Variants in CCSER1 observed in about 807,000 individuals in gnomAD.
CCSER1 encodes the protein coiled-coil serine rich protein 1.
A neutral mutation model predicts 82.0 loss-of-function variants in CCSER1; 41 were observed. The observed-to-expected ratio is 0.50, with a 90% CI of 0.39 to 0.65. The LOEUF (loss-of-function observed/expected upper bound fraction) is 0.65. Ranked by LOEUF, CCSER1 falls within the 30% of genes least tolerant of loss-of-function variation. CCSER1 has a pLI of 0.00. For missense variants in CCSER1, 1,119 were observed against 1,064.2 expected, an observed-to-expected ratio of 1.05 and a Z score of -0.72; for synonymous variants, 414 against 383.9, an observed-to-expected ratio of 1.08 and a Z score of -0.92.
chr4:90,558,550 C>A (rs1046168571), intron 5 of CCSER1, among the ~76,000 whole-genome samples: 1 of 151,944 alleles, frequency 6.6e-6, no homozygotes, highest in Non-Finnish European at 1.5e-5. Flanking sequence ...AGACTTCTGT[C>A]ATCTTTCCCT....
At chr4:90,640,902 G>A (rs937643297) in intron 6 of CCSER1, among the ~76,000 whole-genome samples, 4 of 151,862 alleles carry the variant, frequency 2.6e-5, no homozygotes, top group African/African-American at 7.3e-5. Flanking sequence ...CCCAGTCCTG[G>A]GCAGTTCTTT....
At chr4:91,444,974 G>C (rs1755455204) in intron 10 of CCSER1, among the ~76,000 whole-genome samples, 1 of 152,154 alleles carries the variant, frequency 6.6e-6, no homozygotes, top group African/African-American at 2.4e-5. Flanking sequence ...TATAAATCCT[G>C]CTATTACAGG....
chr4:90,841,700 T>C (rs991510981), intron 8 of CCSER1, among the ~76,000 whole-genome samples: 1 of 152,196 alleles, frequency 6.6e-6, no homozygotes, highest in African/African-American at 2.4e-5. Flanking sequence ...TCTTTACCTG[T>C]GCTTCTCTCT....
intron 8 of CCSER1, among the ~76,000 whole-genome samples, chr4:90,884,608 C>T (rs1721843863): frequency 6.6e-6 from 1 of 151,892 alleles, no homozygotes; most frequent in Admixed American, 6.6e-5. Flanking sequence ...TCTGAAGGAG[C>T]AGAAAAAAAT....
intron 5 of CCSER1, among the ~76,000 whole-genome samples, chr4:90,586,329 G>A (rs1007708486): frequency 3.3e-5 from 5 of 151,990 alleles, no homozygotes; most frequent in African/African-American, 7.3e-5. Flanking sequence ...AAAAGATTGG[G>A]GACTGCGGAT....
chr4:91,412,527 G>T (rs1753117472), intron 10 of CCSER1, among the ~76,000 whole-genome samples: 1 of 152,038 alleles, frequency 6.6e-6, no homozygotes, highest in South Asian at 2.1e-4. Context: ...CAGTGCTACT[G>T]ACTGAGGTCC....
rs547890764 is a variant in CCSER1, at chr4:91,446,460, A to G, written c.2218-152112A>G. Among the ~76,000 whole-genome samples the G allele has an allele frequency of 2.4e-4, 37 of 151,936 alleles. No individual in the cohort carries two copies. In the South Asian group the frequency reaches 6.8e-3, roughly 28 times the overall value. On this transcript the variant is annotated intron_variant, in intron 10 of 10. Transcript: ENST00000509176. The stretch of plus-strand genomic sequence containing the variant: ...ATACTGTTTTTCTGTTACAAATATT[A>G]TGCATATTCATTATGGAAACTTTCA...
chr4:91,291,134 C>T (rs927227743), intron 10 of CCSER1, among the ~76,000 whole-genome samples: 14 of 151,778 alleles, frequency 9.2e-5, no homozygotes, highest in African/African-American at 2.7e-4. Flanking sequence ...GCACCCAAGA[C>T]GGTGCTGGCG....
intron 10 of CCSER1, among the ~76,000 whole-genome samples, chr4:91,302,355 T>C (rs1436244049): frequency 2.0e-5 from 3 of 152,026 alleles, no homozygotes; most frequent in Non-Finnish European, 4.4e-5. Flanking sequence ...AAGCAGCAAA[T>C]CTTGTTAGCT....
At chr4:91,117,874 CCTTA>C (rs1366896933) in intron 10 of CCSER1, among the ~76,000 whole-genome samples, 4 of 151,878 alleles carry the variant, frequency 2.6e-5, no homozygotes, top group African/African-American at 9.7e-5. Context: ...AAATATTATC[CCTTA>C]CTTTAATCAT....
chr4:90,356,736 C>T (rs1401102372), intron 3 of CCSER1, among the ~76,000 whole-genome samples: 1 of 151,670 alleles, frequency 6.6e-6, no homozygotes, highest in East Asian at 1.9e-4. Context: ...CATATAAATT[C>T]ATGCATTAAT....
chr4:90,413,840 T>C (rs557968956), intron 4 of CCSER1, among the ~76,000 whole-genome samples: 2,031 of 145,362 alleles, frequency 0.014, 45 homozygotes, highest in African/African-American at 0.049. Context: ...TTCCAGCTAC[T>C]CGGGAGGCTG....
chr4:91,392,222 A>G (rs1751694543), intron 10 of CCSER1, among the ~76,000 whole-genome samples: 2 of 152,212 alleles, frequency 1.3e-5, no homozygotes, highest in Admixed American at 6.5e-5. Context: ...ATAAATTTAG[A>G]ACTGAAAATA....
intron 10 of CCSER1, among the ~76,000 whole-genome samples, chr4:91,428,751 A>G (rs1405657898): frequency 6.6e-6 from 1 of 152,010 alleles, no homozygotes; most frequent in African/African-American, 2.4e-5. Context: ...ATTTATAGGT[A>G]TTGATAATGT....
chr4:91,312,657 T>C (rs1414680142), intron 10 of CCSER1, among the ~76,000 whole-genome samples: 3 of 151,974 alleles, frequency 2.0e-5, no homozygotes, highest in Non-Finnish European at 4.4e-5. Context: ...TAAAAGAGTT[T>C]GGAAAATTAT....
intron 8 of CCSER1, among the ~76,000 whole-genome samples, chr4:90,899,719 T>G (rs2150143735): frequency 6.6e-6 from 1 of 152,222 alleles, no homozygotes; most frequent in Middle Eastern, 3.4e-3. Context: ...ATAGGGTTTT[T>G]TAAAAATTTT....
At chr4:90,178,147 T>G (rs1733048727) in intron 1 of CCSER1, among the ~76,000 whole-genome samples, 1 of 152,112 alleles carries the variant, frequency 6.6e-6, no homozygotes, top group Admixed American at 6.6e-5. Context: ...TAGTTTACTT[T>G]GAAAGTAAAA....
chr4:90,666,108 C>A (rs1579820233), intron 6 of CCSER1, among the ~76,000 whole-genome samples: 1 of 152,206 alleles, frequency 6.6e-6, no homozygotes. Context: ...CCTATCATAT[C>A]TGCCTGACAT....
chr4:90,961,740 G>C (rs72665461), intron 9 of CCSER1, among the ~76,000 whole-genome samples: 2 of 151,906 alleles, frequency 1.3e-5, no homozygotes, highest in Non-Finnish European at 2.9e-5. Context: ...ATTCAGCATG[G>C]TAGAAAAATA....
Sources: allele counts gnomAD v4.1 joint callset (sites outside exome capture counted in the v4.1 genomes callset), GRCh38; gene constraint gnomAD v4.1.1; transcripts MANE v1.5; gene names NCBI Gene and HGNC (gene_info 2026-07-23, HGNC 2026-07-21).